Variants in SRSF7 observed in about 807,000 individuals in gnomAD.
SRSF7 encodes the protein serine and arginine rich splicing factor 7.
In SRSF7, 15 loss-of-function variants were observed where a neutral mutation model predicts 42.2. That is an observed-to-expected ratio of 0.36 (90% CI 0.24 to 0.55). The LOEUF (loss-of-function observed/expected upper bound fraction) is 0.55, where lower values mean the gene tolerates loss of function less well. Among genes scored for constraint, SRSF7 ranks in the 20% least tolerant of loss-of-function variants. The pLI is 0.88. For missense variants in SRSF7, 181 were observed against 305.9 expected (o/e 0.59, Z 3.04); for synonymous variants, 138 against 107.9 (o/e 1.28, Z -1.73).
intron 3 of SRSF7, chr2:38,749,081 G>T: frequency 7.6e-7 from 1 of 1,310,994 alleles, no homozygotes; most frequent in Admixed American, 2.3e-5. Flanking sequence ...TGGGAATGTG[G>T]TCAATCTGGT....
rs141709559 is a variant in SRSF7, at chr2:38,751,200, A to G, written c.28+29T>C. On this transcript the variant is annotated intron_variant, in intron 1 of 7. Transcript: ENST00000313117. ...CGCAGTGCTCACTACACCCACACCA[A>G]CGTCCCTCACCGGACTCCAGCTTCT... The G allele has an allele frequency of 5.6e-3, 9,041 of 1,613,552 alleles. 34 individuals carry two copies. The highest frequency in any genetic ancestry group is 6.5e-3 in the Non-Finnish European group (7,700 of 1,179,756).
intron 1 of SRSF7, among the ~76,000 whole-genome samples, chr2:38,750,402 A>G (rs558358929): frequency 6.6e-6 from 1 of 152,046 alleles, no homozygotes; most frequent in Admixed American, 6.5e-5. Context: ...AACGTTCTAA[A>G]TAATGCGGGG....
intron 3 of SRSF7, 77 bp downstream of exon 3, chr2:38,749,450 AAC>A: frequency 6.4e-7 from 1 of 1,552,588 alleles, no homozygotes; most frequent in African/African-American, 1.4e-5. Flanking sequence ...TTTATAGAAA[AAC>A]ACTAGTTTCT....
intron 7 of SRSF7, 62 bp downstream of exon 7, chr2:38,746,082 A>C (rs937860482): frequency 1.3e-6 from 2 of 1,580,872 alleles, no homozygotes; most frequent in African/African-American, 1.3e-5. Flanking sequence ...AGCAGTAAGC[A>C]AACAAATTCT....
intron 1 of SRSF7, 91 bp from the exon 2 acceptor site, chr2:38,750,285 A>G: frequency 2.4e-6 from 3 of 1,232,010 alleles, no homozygotes; most frequent in Non-Finnish European, 3.4e-6. Flanking sequence ...GCCATCCTCA[A>G]GATTGGGTAA....
intron 7 of SRSF7, among the ~76,000 whole-genome samples, chr2:38,745,895 C>T (rs904647674): frequency 6.6e-6 from 1 of 152,114 alleles, no homozygotes; most frequent in African/African-American, 2.4e-5. Context: ...AAAATTTCTA[C>T]CAAGTACTCA....
In SRSF7 at chr2:38,744,855, C is replaced by T; in HGVS notation, c.*278G>A. ...TATAATGTCTGACTCTCAAATATAT[C>T]AAATTAAGAAGTGTTAATATTGAAC... On this transcript the variant is annotated 3_prime_UTR_variant, in exon 8 of 8. Coordinates refer to ENST00000313117, the MANE Select transcript of SRSF7 (RefSeq NM_001031684.3). 1 of 359,262 alleles carries T rather than the reference C, an allele frequency of 2.8e-6. No individual in the cohort carries two copies. The highest frequency in any genetic ancestry group is 5.0e-6 in the Non-Finnish European group (1 of 199,078). The allele number at this position is 359,262 out of a possible 1,614,324, so 22.3% of individuals were successfully genotyped here. A position where few individuals can be genotyped will look rare whatever the true frequency, so the allele number is the denominator to read the frequency against.
chr2:38,746,488 A>G (rs1667434724), intron 6 of SRSF7, among the ~76,000 whole-genome samples: 2 of 152,194 alleles, frequency 1.3e-5, no homozygotes, highest in African/African-American at 4.8e-5. Context: ...CCAAGTCATA[A>G]GCTTCTTTCT....
intron 5 of SRSF7, chr2:38,747,161 G>C: frequency 2.2e-6 from 1 of 464,300 alleles, no homozygotes; most frequent in Non-Finnish European, 4.4e-6. Flanking sequence ...CCAGACCCCT[G>C]AACTGAGACT....
chr2:38,750,043 T>G lies in SRSF7; in HGVS notation c.180A>C (p.Ala60=). The G allele has an allele frequency of 6.2e-7, 1 of 1,613,596 alleles. No homozygotes were observed. Among genetic ancestry groups the G allele is most frequent in the Admixed American group, 1.7e-5 (1 of 59,870 alleles). ...AFVEFEDPRD[A]EDAVRGLDGK... is the part of the protein sequence containing the mutation. ...CATCCAGTCCTCGTACTGCATCTTC[T>G]GCATCTCTAGGATCTTCGAATTCCA... Residue 60 remains alanine (A), a synonymous_variant, in exon 2 of 8, where the codon GCA becomes GCC. Coordinates refer to ENST00000313117, the MANE Select transcript of SRSF7 (RefSeq NM_001031684.3).
At chr2:38,746,002 T>C (rs927835389) in intron 7 of SRSF7, 142 bp downstream of exon 7, 3 of 731,346 alleles carry the variant, frequency 4.1e-6, no homozygotes, top group African/African-American at 3.6e-5. Flanking sequence ...AAAAAAAAAG[T>C]ATTTCAGAAA....
At chr2:38,749,897 C>A in intron 2 of SRSF7, 117 bp downstream of exon 2, 1 of 1,312,996 alleles carries the variant, frequency 7.6e-7, no homozygotes, top group Admixed American at 2.5e-5. Flanking sequence ...TAGCATTTAA[C>A]ACTATGACCA....
At chr2:38,746,881 G>T in intron 5 of SRSF7, 134 bp from the exon 6 acceptor site, 1 of 1,428,272 alleles carries the variant, frequency 7.0e-7, no homozygotes, top group Non-Finnish European at 9.4e-7. Flanking sequence ...GCCTTATTCT[G>T]TCTAACACAC....
intron 5 of SRSF7, 85 bp downstream of exon 5, chr2:38,747,962 A>G: frequency 1.1e-6 from 1 of 899,264 alleles, no homozygotes; most frequent in South Asian, 2.0e-5. Flanking sequence ...CCCTGAAGCA[A>G]TCCATTTGAA....
chr2:38,748,033 A>G lies in SRSF7; in HGVS notation c.572+14T>C, dbSNP rs1248023349. The G allele has an allele frequency of 6.9e-6, 11 of 1,592,958 alleles. No individual in the cohort carries two copies. Among genetic ancestry groups the G allele is most frequent in the Admixed American group, 5.0e-5 (3 of 59,604 alleles). On this transcript the variant is annotated intron_variant, in intron 5 of 7. Coordinates refer to ENST00000313117, the MANE Select transcript of SRSF7 (RefSeq NM_001031684.3). ...ACAATCCAAACACAAGTAAGGAAAAAAAGTGTTACATACTGGAAATACCTC... is the reference window on the plus strand; with the variant it reads ...ACAATCCAAACACAAGTAAGGAAAAGAAGTGTTACATACTGGAAATACCTC...
rs942532787 is a variant in SRSF7 at position 38,751,223 on chromosome 2, T to C, written c.28+6A>G. 9.9e-6 allele frequency: 16 copies of C among 1,614,022 alleles called. No homozygotes were observed. The highest frequency in any genetic ancestry group is 1.3e-5 in the Non-Finnish European group (15 of 1,179,952). ...CAACGTCCCTCACCGGACTCCAGCTTCTTACCTCCTCCGTACCGCCCGTAA... is the reference window on the plus strand; with the variant it reads ...CAACGTCCCTCACCGGACTCCAGCTCCTTACCTCCTCCGTACCGCCCGTAA... On this transcript the variant is annotated splice_donor_region_variant and intron_variant, in intron 1 of 7. Transcript: ENST00000313117.
chr2:38,744,407 GAGT>G lies in SRSF7; in HGVS notation c.*723_*725del. On this transcript the variant is annotated 3_prime_UTR_variant, in exon 8 of 8. Transcript: ENST00000313117. ...GAAAGCAAAGAAACAAGACCATTGA[GAGT>G]AGAACTCCCCATATCTTGGGGAGTC... 6.6e-6 allele frequency: 1 copy of G among 152,568 alleles called. No individual in the cohort carries two copies. The highest frequency in any genetic ancestry group is 1.9e-4 in the East Asian group (1 of 5,192). 9.5% of individuals were successfully genotyped at this position (152,568 alleles called of 1,614,324 possible). A position where few individuals can be genotyped will look rare whatever the true frequency, so the allele number is the denominator to read the frequency against.
At chr2:38,748,704 T>A in intron 3 of SRSF7, 51 bp from the exon 4 acceptor site, 1 of 1,565,218 alleles carries the variant, frequency 6.4e-7, no homozygotes, top group Non-Finnish European at 8.8e-7. Flanking sequence ...AACTCGTTTT[T>A]AAGAGTTTGT....
chr2:38,746,923 C>T, intron 5 of SRSF7, 176 bp from the exon 6 acceptor site: 1 of 1,072,148 alleles, frequency 9.3e-7, no homozygotes, highest in Non-Finnish European at 1.3e-6. Context: ...ACATAAGGAA[C>T]CCCCATTTCA....
Sources: allele counts gnomAD v4.1 joint callset (sites outside exome capture counted in the v4.1 genomes callset), GRCh38; gene constraint gnomAD v4.1.1; transcripts MANE v1.5; gene names NCBI Gene and HGNC (gene_info 2026-07-23, HGNC 2026-07-21).